Variants in ARL15 observed in about 807,000 individuals in gnomAD.
The protein encoded by ARL15 is ARF like GTPase 15.
ARL15 carries 19 observed loss-of-function variants against 25.2 expected under a neutral mutation model. That is an observed-to-expected ratio of 0.75 (90% CI 0.53 to 1.10). The LOEUF (loss-of-function observed/expected upper bound fraction) is 1.10. Ranked by LOEUF, ARL15 falls within the 50% of genes least tolerant of loss-of-function variation. ARL15 has a pLI of 0.00. For synonymous variants in ARL15, 94 were observed against 86.8 expected (o/e 1.08, Z -0.46); for missense variants, 220 against 246.0 (o/e 0.89, Z 0.71).
chr5:54,001,570 C>T (rs964173025), intron 4 of ARL15, among the ~76,000 whole-genome samples: 1 of 152,158 alleles, frequency 6.6e-6, no homozygotes, highest in South Asian at 2.1e-4. Flanking sequence ...ACTAATACAA[C>T]AATGATAAGT....
chr5:54,195,293 A>T (rs1002953143), intron 1 of ARL15, among the ~76,000 whole-genome samples: 3 of 152,202 alleles, frequency 2.0e-5, no homozygotes, highest in Admixed American at 2.0e-4. Flanking sequence ...AATACAGAAA[A>T]AAATCAACCC....
chr5:54,226,617 T>C (rs1756524514), intron 1 of ARL15, among the ~76,000 whole-genome samples: 1 of 151,994 alleles, frequency 6.6e-6, no homozygotes, highest in African/African-American at 2.4e-5. Flanking sequence ...CTGTTAAAAA[T>C]AATCTTTCTT....
chr5:54,195,729 C>G (rs1021776738), intron 1 of ARL15, among the ~76,000 whole-genome samples: 3 of 152,128 alleles, frequency 2.0e-5, no homozygotes, highest in Non-Finnish European at 4.4e-5. Flanking sequence ...ATATATACAT[C>G]TTTCTCTTTT....
chr5:54,079,625 G>A (rs1751724358), intron 4 of ARL15, among the ~76,000 whole-genome samples: 2 of 152,082 alleles, frequency 1.3e-5, no homozygotes. Flanking sequence ...TACAGGCAGT[G>A]ATGTAAACTG....
rs1749472770 is a variant in ARL15, at chr5:54,017,775, T to C, written c.462+95427A>G. Among the ~76,000 whole-genome samples the C allele has an allele frequency of 2.0e-5, 3 of 152,066 alleles. No homozygotes were observed. In the South Asian group the frequency reaches 6.2e-4, roughly 32 times the overall value. Reference sequence around the variant, plus strand: ...TCCATCTGTTCTCTAACCCTTCCATTAACCCCCAGAGCCTCTTGTTCTTGC... The same window carrying C: ...TCCATCTGTTCTCTAACCCTTCCATCAACCCCCAGAGCCTCTTGTTCTTGC... On this transcript the variant is annotated intron_variant, in intron 4 of 4. Coordinates refer to ENST00000504924, the MANE Select transcript of ARL15 (RefSeq NM_019087.3).
intron 4 of ARL15, among the ~76,000 whole-genome samples, chr5:53,913,492 C>T (rs1261931109): frequency 6.6e-6 from 1 of 152,214 alleles, no homozygotes; most frequent in South Asian, 2.1e-4. Context: ...GTTAACTGGA[C>T]TGAAGCCGAA....
chr5:54,114,760 T>C (rs1157007076), intron 3 of ARL15, among the ~76,000 whole-genome samples: 1 of 152,200 alleles, frequency 6.6e-6, no homozygotes, highest in Non-Finnish European at 1.5e-5. Context: ...CATTACATCA[T>C]GGTGACTGTT....
At chr5:53,920,097 A>G (rs1402243727) in intron 4 of ARL15, among the ~76,000 whole-genome samples, 1 of 152,214 alleles carries the variant, frequency 6.6e-6, no homozygotes, top group Non-Finnish European at 1.5e-5. Context: ...AAGCTGTAAT[A>G]TGTGAATAAC....
At chr5:53,958,115 C>T (rs1196778623) in intron 4 of ARL15, among the ~76,000 whole-genome samples, 1 of 150,626 alleles carries the variant, frequency 6.6e-6, no homozygotes, top group South Asian at 2.1e-4. Context: ...GAGGCTGAGA[C>T]AGGAGAATCG....
intron 4 of ARL15, among the ~76,000 whole-genome samples, chr5:54,066,201 A>G (rs1751225655): frequency 6.6e-6 from 1 of 152,172 alleles, no homozygotes; most frequent in Non-Finnish European, 1.5e-5. Context: ...TTTCTCCTAT[A>G]CTAGAGACCA....
intron 1 of ARL15, among the ~76,000 whole-genome samples, chr5:54,178,821 G>C: frequency 6.6e-6 from 1 of 152,238 alleles, no homozygotes; most frequent in South Asian, 2.1e-4. Context: ...GTCAGTTATG[G>C]CTCTGTCTTT....
chr5:54,306,309 G>A (rs73124592), intron 1 of ARL15, among the ~76,000 whole-genome samples: 6,434 of 151,986 alleles, frequency 0.042, 439 homozygotes, highest in African/African-American at 0.15. Context: ...AGTTTAAAAG[G>A]TATTTCAATA....
chr5:54,306,549 C>T (rs1040345444), intron 1 of ARL15, among the ~76,000 whole-genome samples: 12 of 152,094 alleles, frequency 7.9e-5, no homozygotes, highest in Admixed American at 5.2e-4. Context: ...CGCCACGACA[C>T]CCAGCTAATT....
chr5:53,935,776 CT>C (rs1294403157), intron 4 of ARL15, among the ~76,000 whole-genome samples: 2 of 152,140 alleles, frequency 1.3e-5, no homozygotes, highest in African/African-American at 4.8e-5. Flanking sequence ...TTGTTTGAGA[CT>C]CAGTCTCAGT....
intron 1 of ARL15, among the ~76,000 whole-genome samples, chr5:54,180,757 G>C (rs1240911167): frequency 6.6e-6 from 1 of 152,078 alleles, no homozygotes; most frequent in Middle Eastern, 3.2e-3. Flanking sequence ...TCCTTTTTGG[G>C]GTGAAATACT....
intron 4 of ARL15, among the ~76,000 whole-genome samples, chr5:54,037,647 T>C (rs10513033): frequency 0.21 from 32,550 of 151,956 alleles, 4,058 homozygotes; most frequent in East Asian, 0.46. Context: ...CCCAGGACTA[T>C]TGGCAACCAT....
intron 1 of ARL15, among the ~76,000 whole-genome samples, chr5:54,241,393 C>T (rs1183073324): frequency 6.6e-6 from 1 of 152,002 alleles, no homozygotes; most frequent in Non-Finnish European, 1.5e-5. Context: ...GGAAATAAAC[C>T]ACTCTACATA....
intron 1 of ARL15, among the ~76,000 whole-genome samples, chr5:54,177,867 C>T (rs1056867907): frequency 2.0e-5 from 3 of 152,194 alleles, no homozygotes; most frequent in African/African-American, 7.2e-5. Context: ...GTTTAAAGGG[C>T]ACCTCCTCTG....
At chr5:54,144,657 T>G (rs16882296) in intron 3 of ARL15, among the ~76,000 whole-genome samples, 34,579 of 152,088 alleles carry the variant, frequency 0.23, 4,409 homozygotes, top group African/African-American at 0.34. Context: ...CATCTTTTGT[T>G]TGAGAATCTC....
Sources: allele counts gnomAD v4.1 joint callset (sites outside exome capture counted in the v4.1 genomes callset), GRCh38; gene constraint gnomAD v4.1.1; transcripts MANE v1.5; gene names NCBI Gene and HGNC (gene_info 2026-07-23, HGNC 2026-07-21).